LIN7A: variants seen among roughly 807,000 people sequenced by gnomAD.
LIN7A encodes the protein lin-7 cell polarity scaffold A, also known as protein lin-7 homolog A.
In LIN7A, 25 loss-of-function variants were observed where a neutral mutation model predicts 29.8. The ratio of observed to expected loss-of-function variants is 0.84; its 90% CI spans 0.61 to 1.17. The LOEUF (loss-of-function observed/expected upper bound fraction) is 1.17, where lower values mean the gene tolerates loss of function less well. LIN7A is among the 50% of genes most tolerant of loss of function. LIN7A has a pLI of 0.00. For synonymous variants in LIN7A, 118 were observed against 107.5 expected (o/e 1.10, Z -0.60); for missense variants, 239 against 287.0 (o/e 0.83, Z 1.21).
At chr12:80,850,986 A>G (rs183839609) in intron 2 of LIN7A, among the ~76,000 whole-genome samples, 1 of 152,308 alleles carries the variant, frequency 6.6e-6, no homozygotes, top group East Asian at 1.9e-4. Context: ...AGGTGGGAAC[A>G]TACCGATGAC....
rs547288529 is a variant in LIN7A at position 80,811,449 on chromosome 12, A to G, written c.*16T>C. On this transcript the variant is annotated intron_variant, in intron 5 of 5. Coordinates refer to ENST00000552864, the MANE Select transcript of LIN7A (RefSeq NM_004664.4). ...TATATATATATACTCCTTGTATAGA[A>G]TAAGTCACTTCTCACCTATGACATG... 7 of 960,416 alleles carry G rather than the reference A, an allele frequency of 7.3e-6. No individual in the cohort carries two copies. In the East Asian group the frequency reaches 7.8e-5, roughly 11 times the overall value. The allele number at this position is 960,416 out of a possible 1,614,324, so 59.5% of individuals were successfully genotyped here. A position where few individuals can be genotyped will look rare whatever the true frequency, so the allele number is the denominator to read the frequency against.
At chr12:80,844,213 T>G (rs1044869607) in intron 4 of LIN7A, among the ~76,000 whole-genome samples, 1 of 152,108 alleles carries the variant, frequency 6.6e-6, no homozygotes, top group African/African-American at 2.4e-5. Context: ...TGAAACATGC[T>G]TTGAAAAAGT....
chr12:80,913,721 CAAT>C (rs1385021516), intron 1 of LIN7A, among the ~76,000 whole-genome samples: 2 of 152,186 alleles, frequency 1.3e-5, no homozygotes, highest in Non-Finnish European at 2.9e-5. Context: ...TGAACACTGA[CAAT>C]GATGCTAGTC....
At chr12:80,831,836 T>C (rs886656197) in intron 4 of LIN7A, among the ~76,000 whole-genome samples, 7 of 152,200 alleles carry the variant, frequency 4.6e-5, no homozygotes, top group African/African-American at 1.7e-4. Context: ...GCTCTTACAT[T>C]GCCTAAGAGT....
At position 80,889,312 on chromosome 12, in the gene LIN7A, A is replaced by C. The variant is rs1258599039; in HGVS notation, c.140T>G (p.Val47Gly). ...TTTTTTGAGGGATTGTAGCTTGTGC[A>C]CTGGTACTTCTCCAGATTCCTGTAG... ...EKLQESGEVPVHKLQSLKKVL... is the reference protein window; with the variant it reads ...EKLQESGEVPGHKLQSLKKVL... The change falls in exon 2 of 6, where the codon GTG (valine) becomes GGG (glycine). Residue 47 changes from valine to glycine, a missense_variant. Val to Gly is a moderately radical substitution (Grantham distance 109). Transcript: ENST00000552864. 6.2e-7 allele frequency: 1 copy of C among 1,612,980 alleles called. No homozygotes were observed. The highest frequency in any genetic ancestry group is 1.1e-5 in the South Asian group (1 of 91,050).
chr12:80,822,013 C>T (rs1487732758), intron 4 of LIN7A, among the ~76,000 whole-genome samples: 1 of 152,150 alleles, frequency 6.6e-6, no homozygotes, highest in Non-Finnish European at 1.5e-5. Context: ...GGACTTTGGG[C>T]ACTAACGAGC....
intron 4 of LIN7A, among the ~76,000 whole-genome samples, chr12:80,819,058 A>G (rs550409137): frequency 6.6e-6 from 1 of 152,234 alleles, no homozygotes; most frequent in African/African-American, 2.4e-5. Flanking sequence ...GGGTCAATCA[A>G]GGTCCAAAAA....
intron 1 of LIN7A, among the ~76,000 whole-genome samples, chr12:80,927,255 G>A (rs867467839): frequency 1.4e-5 from 2 of 138,196 alleles, no homozygotes; most frequent in Non-Finnish European, 3.0e-5. Flanking sequence ...TCCGCCTTCC[G>A]GCTTCAGGCG....
At chr12:80,833,580 C>G (rs939117219) in intron 4 of LIN7A, among the ~76,000 whole-genome samples, 1 of 152,142 alleles carries the variant, frequency 6.6e-6, no homozygotes, top group Admixed American at 6.6e-5. Flanking sequence ...AATTTCCTAC[C>G]ACTTTCAAAT....
intron 2 of LIN7A, among the ~76,000 whole-genome samples, chr12:80,854,341 G>A (rs1188611595): frequency 2.0e-5 from 3 of 152,030 alleles, no homozygotes; most frequent in Admixed American, 6.6e-5. Flanking sequence ...TTGGGAGCCT[G>A]AGGCAGGAGG....
chr12:80,891,745 T>A (rs900230812), intron 1 of LIN7A, among the ~76,000 whole-genome samples: 2 of 152,134 alleles, frequency 1.3e-5, no homozygotes, highest in Non-Finnish European at 2.9e-5. Flanking sequence ...AGGATCTATT[T>A]GTGGAAATAA....
intron 1 of LIN7A, among the ~76,000 whole-genome samples, chr12:80,900,170 G>C (rs990400293): frequency 6.6e-6 from 1 of 151,850 alleles, no homozygotes. Context: ...TTATTTATTG[G>C]TCTAGGTAGC....
At chr12:80,834,373 G>A (rs1266762413) in intron 4 of LIN7A, among the ~76,000 whole-genome samples, 1 of 152,136 alleles carries the variant, frequency 6.6e-6, no homozygotes, top group Non-Finnish European at 1.5e-5. Flanking sequence ...GGTGATAATA[G>A]GCACCTCTGT....
intron 1 of LIN7A, among the ~76,000 whole-genome samples, chr12:80,926,228 CAG>C (rs1342934009): frequency 6.6e-6 from 1 of 152,210 alleles, no homozygotes; most frequent in Non-Finnish European, 1.5e-5. Flanking sequence ...CAGTCACTAA[CAG>C]AGAATCTATC....
At chr12:80,852,610 CAA>C (rs1245401296) in intron 2 of LIN7A, among the ~76,000 whole-genome samples, 1 of 152,106 alleles carries the variant, frequency 6.6e-6, no homozygotes, top group Non-Finnish European at 1.5e-5. Context: ...TATATATACA[CAA>C]GATGCAATTG....
intron 2 of LIN7A, among the ~76,000 whole-genome samples, chr12:80,885,269 T>C (rs1565915479): frequency 6.6e-6 from 1 of 152,156 alleles, no homozygotes. Context: ...AAGTTTAGGC[T>C]AATCTAGCTA....
At chr12:80,798,366 C>A (rs1248964957) in intron 5 of LIN7A, among the ~76,000 whole-genome samples, 1 of 152,150 alleles carries the variant, frequency 6.6e-6, no homozygotes, top group African/African-American at 2.4e-5. Context: ...ATTTTTATTT[C>A]AATGAATGCC....
chr12:80,868,995 G>A (rs1874285366), intron 2 of LIN7A, among the ~76,000 whole-genome samples: 2 of 152,012 alleles, frequency 1.3e-5, no homozygotes, highest in African/African-American at 4.8e-5. Context: ...TGGATACGAA[G>A]GCAATATGTA....
At chr12:80,810,223 C>A (rs905156322) in intron 5 of LIN7A, among the ~76,000 whole-genome samples, 1 of 152,214 alleles carries the variant, frequency 6.6e-6, no homozygotes, top group Non-Finnish European at 1.5e-5. Context: ...ATTCTACTCT[C>A]TACTTCTATG....
Sources: gnomAD v4.1 joint callset for allele counts (sites outside exome capture counted in the v4.1 genomes callset) on GRCh38, gnomAD v4.1.1 for gene constraint, MANE v1.5 for transcripts, NCBI Gene and HGNC (gene_info 2026-07-23, HGNC 2026-07-21) for gene names.